The following FMN2 variants were observed in gnomAD, a reference collection of about 807,000 sequenced individuals.
FMN2 encodes the protein formin 2.
A neutral mutation model predicts 142.3 loss-of-function variants in FMN2; 51 were observed. That is an observed-to-expected ratio of 0.36 (90% CI 0.29 to 0.45). The LOEUF (loss-of-function observed/expected upper bound fraction) is 0.45. FMN2 is among the 20% of genes least tolerant of loss of function. FMN2 has a pLI of 1.00. For synonymous variants in FMN2, 882 were observed against 869.8 expected (o/e 1.01, Z -0.25); for missense variants, 1,936 against 2,122.8 (o/e 0.91, Z 1.73).
chr1:240,416,322 G>A (rs148570403), intron 15 of FMN2, among the ~76,000 whole-genome samples: 1,706 of 145,984 alleles, frequency 0.012, 37 homozygotes, highest in African/African-American at 0.037. Context: ...GTGCAGTGGT[G>A]CAATCTTAGC....
chr1:240,404,608 G>C (rs1489300298), intron 15 of FMN2, among the ~76,000 whole-genome samples: 2 of 152,200 alleles, frequency 1.3e-5, no homozygotes, highest in Non-Finnish European at 2.9e-5. Flanking sequence ...GCAGAGCAAG[G>C]CTTCCCAGGT....
chr1:240,201,069 T>G (rs2103372268), intron 4 of FMN2, among the ~76,000 whole-genome samples: 1 of 152,364 alleles, frequency 6.6e-6, no homozygotes, highest in East Asian at 1.9e-4. Flanking sequence ...GGTATATCAA[T>G]TCTTTATTTT....
At chr1:240,371,634 G>A (rs1346399006) in intron 14 of FMN2, among the ~76,000 whole-genome samples, 4 of 152,142 alleles carry the variant, frequency 2.6e-5, no homozygotes, top group Non-Finnish European at 4.4e-5. Flanking sequence ...GAAGTAAATC[G>A]TCATAACATA....
chr1:240,165,239 G>A (rs931907313), intron 2 of FMN2, among the ~76,000 whole-genome samples: 14 of 152,208 alleles, frequency 9.2e-5, no homozygotes, highest in African/African-American at 3.1e-4. Flanking sequence ...GCTGTGGTGC[G>A]ATCATAGCTC....
chr1:240,103,785 C>T (rs1337704778), intron 1 of FMN2, among the ~76,000 whole-genome samples: 1 of 152,104 alleles, frequency 6.6e-6, no homozygotes, highest in Non-Finnish European at 1.5e-5. Flanking sequence ...GAATGGGTTC[C>T]GGTATAGAAA....
intron 2 of FMN2, among the ~76,000 whole-genome samples, chr1:240,160,094 T>A (rs973853520): frequency 3.3e-5 from 5 of 150,882 alleles, no homozygotes; most frequent in African/African-American, 1.2e-4. Flanking sequence ...ACCTCTGGAC[T>A]CAGGTAGTTT....
At chr1:240,227,708 T>C (rs1022853652) in intron 6 of FMN2, among the ~76,000 whole-genome samples, 1 of 152,318 alleles carries the variant, frequency 6.6e-6, no homozygotes, top group Non-Finnish European at 1.5e-5. Flanking sequence ...AAGAATGGTC[T>C]TTTCAACAAA....
In FMN2 at chr1:240,091,893, C is replaced by T; in HGVS notation, c.-217C>T. 1 of 750,434 alleles carries T rather than the reference C, an allele frequency of 1.3e-6. No homozygotes were observed. Among genetic ancestry groups the T allele is most frequent in the Non-Finnish European group, 1.9e-6 (1 of 516,012 alleles). The allele number at this position is 750,434 out of a possible 1,614,324, so 46.5% of individuals were successfully genotyped here. A position where few individuals can be genotyped will look rare whatever the true frequency, so the allele number is the denominator to read the frequency against. ...CGCCGGCCCCTAGCCGCAGCCGCAG[C>T]CGCAGCGACGGCAGCCACGGGAGCC... On this transcript the variant is annotated 5_prime_UTR_variant, in exon 1 of 18. Transcript: ENST00000319653.
At chr1:240,123,041 G>A in intron 1 of FMN2, 138 bp from the exon 2 acceptor site, 2 of 878,454 alleles carry the variant, frequency 2.3e-6, no homozygotes, top group South Asian at 3.6e-5. Context: ...CCTAGCTTGA[G>A]AGGCTCCTTT....
intron 8 of FMN2, among the ~76,000 whole-genome samples, chr1:240,307,312 GT>G (rs1171755991): frequency 6.6e-6 from 1 of 152,086 alleles, no homozygotes; most frequent in Non-Finnish European, 1.5e-5. Flanking sequence ...CATCATAAAT[GT>G]TTGCCTAGAC....
intron 6 of FMN2, among the ~76,000 whole-genome samples, chr1:240,229,185 C>G (rs1223878126): frequency 6.6e-6 from 1 of 152,140 alleles, no homozygotes; most frequent in African/African-American, 2.4e-5. Context: ...ATCAAGTCTT[C>G]ATGGAGGAAG....
intron 2 of FMN2, among the ~76,000 whole-genome samples, chr1:240,164,003 G>A (rs1470319885): frequency 6.6e-6 from 1 of 152,096 alleles, no homozygotes; most frequent in Non-Finnish European, 1.5e-5. Context: ...CTCTCAAGTA[G>A]CTAGGACTAC....
chr1:240,242,299 G>T (rs1667938811), intron 6 of FMN2, among the ~76,000 whole-genome samples: 1 of 152,166 alleles, frequency 6.6e-6, no homozygotes, highest in Non-Finnish European at 1.5e-5. Flanking sequence ...TATATTGAAT[G>T]GCAAAAGATA....
chr1:240,362,001 T>C (rs1345357283), intron 14 of FMN2, among the ~76,000 whole-genome samples: 2 of 152,212 alleles, frequency 1.3e-5, no homozygotes, highest in Non-Finnish European at 2.9e-5. Context: ...GCAGCACATG[T>C]TCAAATGGAC....
chr1:240,181,912 C>A (rs891325627), intron 3 of FMN2, among the ~76,000 whole-genome samples: 2 of 152,190 alleles, frequency 1.3e-5, no homozygotes, highest in African/African-American at 4.8e-5. Context: ...CCATGACATC[C>A]TATTCATCTC....
intron 15 of FMN2, among the ~76,000 whole-genome samples, chr1:240,399,464 C>G (rs61829209): frequency 0.34 from 51,098 of 151,944 alleles, 8,978 homozygotes; most frequent in East Asian, 0.6. Flanking sequence ...CTAAGGCATT[C>G]GAATCACTCC....
intron 8 of FMN2, among the ~76,000 whole-genome samples, chr1:240,314,063 C>G (rs1670686943): frequency 6.6e-6 from 1 of 151,998 alleles, no homozygotes; most frequent in Non-Finnish European, 1.5e-5. Context: ...TAAAAAGCTA[C>G]TAAGGAAGAT....
At chr1:240,142,390 T>G (rs1663221188) in intron 2 of FMN2, among the ~76,000 whole-genome samples, 1 of 152,208 alleles carries the variant, frequency 6.6e-6, no homozygotes, top group South Asian at 2.1e-4. Flanking sequence ...AATTGTATTT[T>G]GATTATATTT....
At chr1:240,268,225 C>A (rs1236149794) in intron 7 of FMN2, among the ~76,000 whole-genome samples, 1 of 152,054 alleles carries the variant, frequency 6.6e-6, no homozygotes, top group Non-Finnish European at 1.5e-5. Flanking sequence ...GGGAACATGT[C>A]TGAGGCAGAT....
Sources: allele counts gnomAD v4.1 joint callset (sites outside exome capture counted in the v4.1 genomes callset), GRCh38; gene constraint gnomAD v4.1.1; transcripts MANE v1.5; gene names NCBI Gene and HGNC (gene_info 2026-07-23, HGNC 2026-07-21).